GALK2: variants seen among roughly 807,000 people sequenced by gnomAD.
The protein encoded by GALK2 is galactokinase 2.
Under a neutral mutation model 52.4 loss-of-function variants are expected in GALK2, and 36 were observed. That is an observed-to-expected ratio of 0.69 (90% confidence interval 0.53 to 0.91). The LOEUF is 0.91. Ranked by LOEUF, GALK2 falls within the 40% of genes least tolerant of loss-of-function variation. The probability of loss-of-function intolerance (pLI) is 0.00; values close to 1 mark genes in which losing one functional copy is unlikely to be tolerated. For synonymous variants in GALK2, 176 were observed against 199.1 expected (o/e 0.88, Z 0.98); for missense variants, 579 against 559.1 (o/e 1.04, Z -0.36).
chr15:49,283,560 T>G lies in GALK2; in HGVS notation c.604-6T>G. The G allele has an allele frequency of 3.1e-6, 5 of 1,603,276 alleles. No individual in the cohort carries two copies. Among genetic ancestry groups the G allele is most frequent in the Non-Finnish European group, 4.3e-6 (5 of 1,174,124 alleles). On this transcript the variant is annotated splice_polypyrimidine_tract_variant and splice_region_variant and intron_variant, in intron 6 of 9. Transcript: ENST00000560031. ...TATATTTCTCCTTTCATTTTTCTTC[T>G]AACAGGCCAAGTTGATAGAATTTAG... is the stretch of plus-strand genomic sequence containing the variant.
chr15:49,257,188 G>T (rs570647145), intron 5 of GALK2, among the ~76,000 whole-genome samples: 41 of 152,080 alleles, frequency 2.7e-4, no homozygotes, highest in Non-Finnish European at 5.1e-4. Flanking sequence ...GCTGGGTTCC[G>T]CCTAGTTGCT....
intron 7 of GALK2, among the ~76,000 whole-genome samples, chr15:49,284,717 G>A (rs865855310): frequency 6.6e-6 from 1 of 152,068 alleles, no homozygotes; most frequent in Admixed American, 6.6e-5. Context: ...ACTTGATTCA[G>A]CCTAACTTCC....
At chr15:49,207,061 T>A (rs1000377402) in intron 2 of GALK2, among the ~76,000 whole-genome samples, 1 of 152,246 alleles carries the variant, frequency 6.6e-6, no homozygotes, top group Non-Finnish European at 1.5e-5. Flanking sequence ...TGCTGGATTT[T>A]GTCGAATGCT....
At chr15:49,212,046 TA>T (rs1036327775) in intron 2 of GALK2, among the ~76,000 whole-genome samples, 10 of 152,150 alleles carry the variant, frequency 6.6e-5, no homozygotes, top group Admixed American at 2.0e-4. Context: ...ATAATATCTT[TA>T]AAAAAAATTA....
At position 49,198,516 on chromosome 15, in the gene GALK2, C is replaced by T. The variant is rs577207962; in HGVS notation, c.54-2646C>T. ...TCATGTGTAGAGAACAGTTTTAAGC[C>T]CAGGTCTACCTGACTGCACAGGCCC... On this transcript the variant is annotated intron_variant, in intron 1 of 9. Coordinates refer to ENST00000560031, the MANE Select transcript of GALK2 (RefSeq NM_002044.4). Among the ~76,000 whole-genome samples the T allele has an allele frequency of 3.9e-5, 6 of 151,926 alleles. No homozygotes were observed. The South Asian group carries it at 1.0e-3, about 26-fold the overall frequency.
chr15:49,260,178 C>A (rs1295700888), intron 5 of GALK2, among the ~76,000 whole-genome samples: 1 of 152,174 alleles, frequency 6.6e-6, no homozygotes, highest in Non-Finnish European at 1.5e-5. Context: ...AAGGTTTGAA[C>A]TAGTTTACAG....
At chr15:49,365,334 T>A in intron 3 of GALK2, 1 of 1,569,224 alleles carries the variant, frequency 6.4e-7, no homozygotes, top group Non-Finnish European at 8.8e-7. Flanking sequence ...ACAACAAATG[T>A]AAGTATCATG....
intron 1 of GALK2, among the ~76,000 whole-genome samples, chr15:49,175,269 A>C (rs556323197): frequency 1.3e-5 from 2 of 152,310 alleles, no homozygotes; most frequent in South Asian, 4.1e-4. Context: ...GCAGTTGTTT[A>C]TCAGAAAAGA....
chr15:49,170,075 G>A, upstream of GALK2: 1 of 735,498 alleles, frequency 1.4e-6, no homozygotes, highest in Middle Eastern at 4.4e-4. Flanking sequence ...CCCTCCCTGG[G>A]AGCTAAGAGC....
At chr15:49,196,854 C>T (rs1169770906) in intron 1 of GALK2, among the ~76,000 whole-genome samples, 3 of 152,214 alleles carry the variant, frequency 2.0e-5, no homozygotes, top group African/African-American at 2.4e-5. Flanking sequence ...TTCTGGTAGG[C>T]TGAGGCAGGA....
At chr15:49,182,123 C>G (rs183207448) in intron 1 of GALK2, among the ~76,000 whole-genome samples, 3 of 152,196 alleles carry the variant, frequency 2.0e-5, no homozygotes, top group African/African-American at 7.2e-5. Context: ...TACCTATTAA[C>G]CATCCCCACT....
chr15:49,284,588 A>G (rs1567020435), intron 7 of GALK2, among the ~76,000 whole-genome samples: 1 of 152,210 alleles, frequency 6.6e-6, no homozygotes, highest in Non-Finnish European at 1.5e-5. Flanking sequence ...CCTGATGGAT[A>G]CTGATGGATA....
intron 7 of GALK2, among the ~76,000 whole-genome samples, chr15:49,292,120 A>G (rs545460534): frequency 3.9e-5 from 6 of 152,190 alleles, no homozygotes; most frequent in Non-Finnish European, 8.8e-5. Context: ...ACAAATACCT[A>G]CCTAGTCTGT....
intron 9 of GALK2, 70 bp from the exon 10 acceptor site, chr15:49,327,882 C>A: frequency 6.8e-7 from 1 of 1,470,204 alleles, no homozygotes; most frequent in Non-Finnish European, 9.3e-7. Context: ...GCTATGTGTT[C>A]TACAAACACC....
At chr15:49,240,560 T>C (rs2091045832) in intron 5 of GALK2, among the ~76,000 whole-genome samples, 1 of 152,148 alleles carries the variant, frequency 6.6e-6, no homozygotes, top group East Asian at 1.9e-4. Flanking sequence ...TTAGAGAGCA[T>C]AGGACATCTA....
chr15:49,268,105 C>G (rs2092416803), intron 5 of GALK2, among the ~76,000 whole-genome samples: 1 of 152,128 alleles, frequency 6.6e-6, no homozygotes, highest in African/African-American at 2.4e-5. Context: ...TTCATTTATT[C>G]AGCATTCATT....
Position 49,235,849 on chromosome 15 carries a change from A to T in GALK2, c.267-2A>T. The T allele has an allele frequency of 6.2e-7, 1 of 1,604,100 alleles. No individual in the cohort carries two copies. Among genetic ancestry groups the T allele is most frequent in the Non-Finnish European group, 8.5e-7 (1 of 1,171,872 alleles). On this transcript the variant is annotated splice_acceptor_variant, in intron 3 of 9. Coordinates refer to ENST00000560031, the MANE Select transcript of GALK2 (RefSeq NM_002044.4). LOFTEE classifies it high-confidence loss of function. ...AATTAATGGTGTCTTTTGTCTTCGC[A>T]GGGACTTCAGTACTAGTGCTAATAA...
chr15:49,297,286 T>G (rs553294182), intron 8 of GALK2, among the ~76,000 whole-genome samples: 1 of 152,222 alleles, frequency 6.6e-6, no homozygotes. Flanking sequence ...TATTTGTTTC[T>G]TGCTTGTTGA....
At chr15:49,307,346 G>A (rs911901452) in intron 8 of GALK2, among the ~76,000 whole-genome samples, 1 of 152,082 alleles carries the variant, frequency 6.6e-6, no homozygotes, top group Admixed American at 6.6e-5. Flanking sequence ...CATTTGTTGG[G>A]CAATGGAAAA....
Sources: allele counts gnomAD v4.1 joint callset (sites outside exome capture counted in the v4.1 genomes callset), GRCh38; gene constraint gnomAD v4.1.1; transcripts MANE v1.5; gene names NCBI Gene and HGNC (gene_info 2026-07-23, HGNC 2026-07-21).